CDK5RAP2: variants seen among roughly 807,000 people sequenced by gnomAD.
CDK5RAP2 encodes CDK5 regulatory subunit-associated protein 2.
In CDK5RAP2, 147 loss-of-function variants were observed where a neutral mutation model predicts 232.9. The observed-to-expected ratio is 0.63, with a 90% CI of 0.55 to 0.72. The LOEUF is 0.72. CDK5RAP2 is among the 30% of genes least tolerant of loss of function. The pLI, the probability that CDK5RAP2 is intolerant of heterozygous loss-of-function variation, is 0.00. For synonymous variants in CDK5RAP2, 833 were observed against 833.7 expected, an observed-to-expected ratio of 1.00 and a Z score of 0.01; for missense variants, 2,195 against 2,231.5, an observed-to-expected ratio of 0.98 and a Z score of 0.33.
intron 12 of CDK5RAP2, among the ~76,000 whole-genome samples, chr9:120,499,872 T>C (rs1225453783): frequency 6.6e-6 from 1 of 152,204 alleles, no homozygotes; most frequent in African/African-American, 2.4e-5. Flanking sequence ...GTTTTTAAGT[T>C]TGGTATGGAC....
intron 7 of CDK5RAP2, among the ~76,000 whole-genome samples, chr9:120,534,366 G>A (rs2041295273): frequency 6.6e-6 from 1 of 151,914 alleles, no homozygotes; most frequent in Admixed American, 6.5e-5. Context: ...ACTTCTCCCG[G>A]GAAGCTTTTC....
rs528520812 is a variant in CDK5RAP2, at chr9:120,436,361, G to A, written c.3955+934C>T. Reference sequence around the variant, plus strand: ...AGAAGAAAGGGTGAGGAACTACTCCGGATTAAAGGAGACGAGAGACACATG... The same window carrying A: ...AGAAGAAAGGGTGAGGAACTACTCCAGATTAAAGGAGACGAGAGACACATG... On this transcript the variant is annotated intron_variant, in intron 25 of 37. Transcript: ENST00000349780. 7.2e-5 allele frequency among the ~76,000 whole-genome samples: 11 copies of A among 152,206 alleles called. No homozygotes were observed. In the East Asian group the frequency reaches 1.7e-3, roughly 24 times the overall value.
chr9:120,489,647 A>G (rs1204661750), intron 13 of CDK5RAP2, among the ~76,000 whole-genome samples: 1 of 152,092 alleles, frequency 6.6e-6, no homozygotes, highest in East Asian at 1.9e-4. Flanking sequence ...TCAAATTCCA[A>G]TAGGTCTTCT....
intron 24 of CDK5RAP2, among the ~76,000 whole-genome samples, chr9:120,438,266 C>T (rs189376533): frequency 6.6e-6 from 1 of 152,334 alleles, no homozygotes; most frequent in African/African-American, 2.4e-5. Context: ...CTCATGTAAA[C>T]TGGCCACAAT....
At chr9:120,497,029 AGTAG>A (rs1285781300) in intron 12 of CDK5RAP2, among the ~76,000 whole-genome samples, 1 of 135,040 alleles carries the variant, frequency 7.4e-6, no homozygotes, top group African/African-American at 3.3e-5. Context: ...TGTAGAAAGA[AGTAG>A]ACATGGGAGA....
At chr9:120,500,341 A>T (rs151109885) in intron 12 of CDK5RAP2, among the ~76,000 whole-genome samples, 1 of 152,326 alleles carries the variant, frequency 6.6e-6, no homozygotes, top group Admixed American at 6.5e-5. Context: ...AAGTAGAATT[A>T]CTAGGCCTAA....
chr9:120,458,431 GCCTGGGCCCCATGTATA>G lies in CDK5RAP2; in HGVS notation c.2375+2_2375+18del. Reference sequence around the variant, plus strand: ...CCTAGAACTAGAGAAACAAAGGAATGCCTGGGCCCCATGTATACCTGGATTCCAGTAATAATGTGGCC... The same window carrying G: ...CCTAGAACTAGAGAAACAAAGGAATGCCTGGATTCCAGTAATAATGTGGCC... On this transcript the variant is annotated splice_donor_variant and splice_donor_5th_base_variant and intron_variant, in intron 20 of 37. Transcript: ENST00000349780. LOFTEE classifies it high-confidence loss of function. 6.2e-7 allele frequency: 1 copy of G among 1,612,768 alleles called. No individual in the cohort carries two copies. Among genetic ancestry groups the G allele is most frequent in the Non-Finnish European group, 8.5e-7 (1 of 1,178,804 alleles).
chr9:120,545,666 A>G (rs937619099), intron 5 of CDK5RAP2, 48 bp downstream of exon 5: 4 of 1,411,738 alleles, frequency 2.8e-6, no homozygotes, highest in Non-Finnish European at 4.0e-6. Context: ...TTCACTGACC[A>G]ACCCAGTGTG....
chr9:120,565,406 C>G (rs1301367896), intron 3 of CDK5RAP2, among the ~76,000 whole-genome samples: 3 of 152,200 alleles, frequency 2.0e-5, no homozygotes, highest in African/African-American at 7.2e-5. Context: ...CTCATAGTCA[C>G]CAGCCTGGTA....
chr9:120,441,680 T>C (rs1480226904), intron 23 of CDK5RAP2, among the ~76,000 whole-genome samples: 1 of 152,230 alleles, frequency 6.6e-6, no homozygotes, highest in African/African-American at 2.4e-5. Flanking sequence ...AATCTGCTCC[T>C]TGTGACTTGA....
At chr9:120,545,625 C>G (rs1246752010) in intron 5 of CDK5RAP2, 89 bp downstream of exon 5, 7 of 991,006 alleles carry the variant, frequency 7.1e-6, no homozygotes, top group Non-Finnish European at 1.1e-5. Context: ...CAGATGGAAA[C>G]CAACTGTCTT....
chr9:120,392,502 ATAGGGT>A (rs2032082601), intron 36 of CDK5RAP2, among the ~76,000 whole-genome samples: 2 of 152,312 alleles, frequency 1.3e-5, no homozygotes, highest in East Asian at 1.9e-4. Flanking sequence ...TCACCTGTCA[ATAGGGT>A]TAGCTACCTG....
intron 12 of CDK5RAP2, among the ~76,000 whole-genome samples, chr9:120,513,114 C>T (rs974865753): frequency 3.3e-5 from 5 of 152,118 alleles, no homozygotes; most frequent in Non-Finnish European, 2.9e-5. Flanking sequence ...GCATTGAATA[C>T]GCACCAAGTC....
intron 21 of CDK5RAP2, among the ~76,000 whole-genome samples, chr9:120,452,504 C>G (rs1187603811): frequency 1.3e-5 from 2 of 151,932 alleles, no homozygotes; most frequent in African/African-American, 4.8e-5. Context: ...AGAATATCAA[C>G]AGCCTTCACT....
chr9:120,440,047 G>T, intron 23 of CDK5RAP2, 75 bp from the exon 24 acceptor site: 1 of 1,313,250 alleles, frequency 7.6e-7, no homozygotes, highest in Non-Finnish European at 1.1e-6. Context: ...CACAGCCCTA[G>T]CCAAGCCAAG....
rs2032662841 is a variant in CDK5RAP2 at position 120,397,954 on chromosome 9, G to GT, written c.5451+2787dup. ...ATGGGAACCACTGTAAATCCATAGG[G>GT]TTCTCTCCCTCTTTCCCCACGCTGG... On this transcript the variant is annotated intron_variant, in intron 35 of 37. Coordinates refer to ENST00000349780, the MANE Select transcript of CDK5RAP2 (RefSeq NM_018249.6). Among the ~76,000 whole-genome samples, 4 of 152,192 alleles carry GT rather than the reference G, an allele frequency of 2.6e-5. No homozygotes were observed. The South Asian group carries it at 8.3e-4, about 32-fold the overall frequency.
chr9:120,542,938 G>A (rs796520651), intron 5 of CDK5RAP2, among the ~76,000 whole-genome samples: 12 of 152,338 alleles, frequency 7.9e-5, no homozygotes, highest in African/African-American at 2.9e-4. Flanking sequence ...AGCAATGGAA[G>A]GCATTTGGGC....
At chr9:120,551,313 A>C (rs929333800) in intron 3 of CDK5RAP2, among the ~76,000 whole-genome samples, 5 of 152,224 alleles carry the variant, frequency 3.3e-5, no homozygotes, top group African/African-American at 4.8e-5. Flanking sequence ...GCAGCACTAA[A>C]AGCATTAGAT....
chr9:120,471,727 C>A (rs770483960), intron 16 of CDK5RAP2, 21 bp downstream of exon 16: 9 of 1,613,830 alleles, frequency 5.6e-6, no homozygotes, highest in Non-Finnish European at 7.6e-6. Flanking sequence ...CAAAGAGAAG[C>A]ACATAGAATA....
Sources: gnomAD v4.1 joint callset for allele counts (sites outside exome capture counted in the v4.1 genomes callset) on GRCh38, gnomAD v4.1.1 for gene constraint, MANE v1.5 for transcripts, NCBI Gene and HGNC (gene_info 2026-07-23, HGNC 2026-07-21) for gene names.